The following SAXO1 variants were observed in gnomAD, a reference collection of about 807,000 sequenced individuals.
SAXO1 encodes the protein stabilizer of axonemal microtubules 1, also known as 4930500O09Rik.
SAXO1 carries 21 observed loss-of-function variants against 17.5 expected under a neutral mutation model. The ratio of observed to expected loss-of-function variants is 1.20; its 90% CI spans 0.85 to 1.72. The LOEUF (loss-of-function observed/expected upper bound fraction) is 1.72. Among genes scored for constraint, SAXO1 ranks in the 40% most tolerant of loss-of-function variants. The pLI, the probability that SAXO1 is intolerant of heterozygous loss-of-function variation, is 0.00. For missense variants in SAXO1, 843 were observed against 596.0 expected (o/e 1.41, Z -4.32); for synonymous variants, 274 against 216.5 (o/e 1.27, Z -2.33).
rs528583430 is a variant in SAXO1 at position 18,940,732 on chromosome 9, T to C, written c.421+905A>G. Among the ~76,000 whole-genome samples the C allele has an allele frequency of 2.0e-5, 3 of 152,314 alleles. No homozygotes were observed. The South Asian group carries it at 6.2e-4, about 32-fold the overall frequency. ...TCTCAGTCTTTGCAGCTGAGCTCCA[T>C]AGAGTGGCTGTCTGCTAGCAAAACA... On this transcript the variant is annotated intron_variant, in intron 3 of 3. Transcript: ENST00000380534.
chr9:18,979,659 A>C (rs1442476502), intron 1 of SAXO1, among the ~76,000 whole-genome samples: 2 of 152,108 alleles, frequency 1.3e-5, no homozygotes, highest in Admixed American at 1.3e-4. Flanking sequence ...TTCCAGCAAG[A>C]GTGTATGGGC....
At position 18,956,391 on chromosome 9, in the gene SAXO1, T is replaced by C. The variant is rs533034724; in HGVS notation, c.39-5454A>G. Among the ~76,000 whole-genome samples, 26 of 152,324 alleles carry C rather than the reference T, an allele frequency of 1.7e-4. 1 individual carries two copies. In the South Asian group the frequency reaches 5.4e-3, roughly 32 times the overall value. ...CTTTGGGCTTTTCAAACTTATGAAC[T>C]TTCAATAGTTTTTTAGAATCTAATC... On this transcript the variant is annotated intron_variant, in intron 1 of 3. Coordinates refer to ENST00000380534, the MANE Select transcript of SAXO1 (RefSeq NM_153707.4).
At chr9:18,948,931 C>T (rs1259964533) in intron 2 of SAXO1, among the ~76,000 whole-genome samples, 1 of 152,148 alleles carries the variant, frequency 6.6e-6, no homozygotes, top group East Asian at 1.9e-4. Context: ...GCAAGCCACC[C>T]CTCAGTACTA....
At chr9:18,947,694 T>C (rs1403031096) in intron 2 of SAXO1, 1 of 152,126 alleles carries the variant, frequency 6.6e-6, no homozygotes, top group Admixed American at 6.5e-5. Flanking sequence ...CATAAATTGA[T>C]CTCAGGTCTA....
chr9:18,993,078 G>T (rs1319542402), intron 1 of SAXO1, among the ~76,000 whole-genome samples: 2 of 152,016 alleles, frequency 1.3e-5, no homozygotes, highest in Non-Finnish European at 1.5e-5. Flanking sequence ...GAGATTACTG[G>T]TGTGGGCCAC....
At chr9:19,039,724 G>A (rs1322865340) in intron 1 of SAXO1, among the ~76,000 whole-genome samples, 2 of 152,140 alleles carry the variant, frequency 1.3e-5, no homozygotes, top group Non-Finnish European at 1.5e-5. Context: ...AGAGATGCAG[G>A]TCTTGGAATT....
upstream of SAXO1, among the ~76,000 whole-genome samples, chr9:19,035,176 C>T (rs1835904407): frequency 1.3e-5 from 2 of 152,270 alleles, no homozygotes; most frequent in East Asian, 3.9e-4. Flanking sequence ...TTCTGTGTCC[C>T]CACCCAAATC....
rs1835546479 is a variant in SAXO1 at position 19,027,576 on chromosome 9, T to A, written c.38+5295A>T. 11 of 1,392,800 alleles carry A rather than the reference T, an allele frequency of 7.9e-6. No homozygotes were observed. In the Admixed American group the frequency reaches 1.8e-4, roughly 23 times the overall value. The allele number at this position is 1,392,800 out of a possible 1,614,324, so 86.3% of individuals were successfully genotyped here. On this transcript the variant is annotated intron_variant, in intron 1 of 3. Coordinates refer to ENST00000380534, the MANE Select transcript of SAXO1 (RefSeq NM_153707.4). ...TGTAGGGCACAGACTAAGGCCACCTTCCTAAAGCTGACTGGCCCCCAGCTG... is the reference window on the plus strand; with the variant it reads ...TGTAGGGCACAGACTAAGGCCACCTACCTAAAGCTGACTGGCCCCCAGCTG...
At chr9:19,003,401 C>T (rs199627634) in intron 1 of SAXO1, among the ~76,000 whole-genome samples, 1 of 152,034 alleles carries the variant, frequency 6.6e-6, no homozygotes, top group Non-Finnish European at 1.5e-5. Context: ...TACTTTAAAG[C>T]TCATATGGAA....
intron 1 of SAXO1, among the ~76,000 whole-genome samples, chr9:19,021,157 C>T (rs1254710412): frequency 6.6e-6 from 1 of 152,198 alleles, no homozygotes; most frequent in African/African-American, 2.4e-5. Context: ...AGAAGAGCCA[C>T]CTGTCACAGG....
chr9:18,931,160 A>G (rs988397106), intron 3 of SAXO1, among the ~76,000 whole-genome samples: 5 of 152,196 alleles, frequency 3.3e-5, no homozygotes, highest in African/African-American at 1.2e-4. Context: ...AATTATCTTC[A>G]TTTGTAGTCA....
At chr9:18,980,781 GAAAA>G (rs10640487) in intron 1 of SAXO1, among the ~76,000 whole-genome samples, 1 of 83,908 alleles carries the variant, frequency 1.2e-5, no homozygotes, top group African/African-American at 5.3e-5. Flanking sequence ...TTAAAAAACT[GAAAA>G]AAAAAAAAAA....
intron 1 of SAXO1, among the ~76,000 whole-genome samples, chr9:19,015,282 C>T (rs1834926114): frequency 6.6e-6 from 1 of 152,218 alleles, no homozygotes; most frequent in Admixed American, 6.5e-5. Flanking sequence ...CCTCATGCCA[C>T]AGCCTCCCAA....
intron 1 of SAXO1, among the ~76,000 whole-genome samples, chr9:18,968,820 C>G (rs1832836638): frequency 6.6e-6 from 1 of 152,138 alleles, no homozygotes; most frequent in African/African-American, 2.4e-5. Context: ...TGTCGAACTC[C>G]TGACCTCAGG....
At chr9:19,045,514 T>C (rs111572442) in intron 1 of SAXO1, among the ~76,000 whole-genome samples, 23 of 152,232 alleles carry the variant, frequency 1.5e-4, no homozygotes, top group Middle Eastern at 3.4e-3. Flanking sequence ...AAGTACCATA[T>C]TGTAAACAGG....
intron 2 of SAXO1, among the ~76,000 whole-genome samples, chr9:18,946,941 T>C (rs997081059): frequency 2.0e-5 from 3 of 152,132 alleles, no homozygotes; most frequent in Non-Finnish European, 2.9e-5. Context: ...TAATAGAAAC[T>C]ATCCAATCTG....
intron 1 of SAXO1, among the ~76,000 whole-genome samples, chr9:19,007,794 C>T (rs73645561): frequency 0.018 from 2,758 of 152,262 alleles, 80 homozygotes; most frequent in African/African-American, 0.061. Flanking sequence ...GGATATTTCA[C>T]GACACGTGAA....
intron 1 of SAXO1, among the ~76,000 whole-genome samples, chr9:18,998,610 C>G (rs1284311671): frequency 6.6e-6 from 1 of 152,106 alleles, no homozygotes; most frequent in African/African-American, 2.4e-5. Context: ...AGGAAGTACA[C>G]AGAACACCAC....
At chr9:19,020,448 C>T (rs1490911839) in intron 1 of SAXO1, among the ~76,000 whole-genome samples, 1 of 151,904 alleles carries the variant, frequency 6.6e-6, no homozygotes, top group African/African-American at 2.4e-5. Flanking sequence ...GCCTCCAAGG[C>T]TCAAGCCATC....
Sources: allele counts gnomAD v4.1 joint callset (sites outside exome capture counted in the v4.1 genomes callset), GRCh38; gene constraint gnomAD v4.1.1; transcripts MANE v1.5; gene names NCBI Gene and HGNC (gene_info 2026-07-23, HGNC 2026-07-21).